The following TADA3 variants were observed in gnomAD, a reference collection of about 807,000 sequenced individuals.
TADA3 encodes transcriptional adaptor 3.
TADA3 carries 25 observed loss-of-function variants against 43.2 expected under a neutral mutation model. The ratio of observed to expected loss-of-function variants is 0.58; its 90% CI spans 0.42 to 0.81. TADA3 has a LOEUF of 0.81. Among genes scored for constraint, TADA3 ranks in the 30% least tolerant of loss-of-function variants. The pLI, the probability that TADA3 is intolerant of heterozygous loss-of-function variation, is 0.00. For missense variants in TADA3, 441 were observed against 567.8 expected, an observed-to-expected ratio of 0.78 and a Z score of 2.27; for synonymous variants, 235 against 225.5, an observed-to-expected ratio of 1.04 and a Z score of -0.38.
At position 9,791,163 on chromosome 3, in the gene TADA3, T is replaced by C. The variant is rs2078721960; in HGVS notation, c.207+97A>G. On this transcript the variant is annotated intron_variant, in intron 2 of 8. Coordinates refer to ENST00000301964, the MANE Select transcript of TADA3 (RefSeq NM_006354.5). ...CTCTCTCCCTCTCCCCACAAACCCCTGTACCCCAAGTCTCAGCATATGGGG... is the reference window on the plus strand; with the variant it reads ...CTCTCTCCCTCTCCCCACAAACCCCCGTACCCCAAGTCTCAGCATATGGGG... 3.9e-6 allele frequency: 5 copies of C among 1,288,040 alleles called. No homozygotes were observed. In the South Asian group the frequency reaches 7.2e-5, roughly 19 times the overall value. 79.8% of individuals were successfully genotyped at this position (1,288,040 alleles called of 1,614,324 possible).
rs1429342741 is a variant in TADA3, at chr3:9,784,143, C to CAA, written c.990_991insTT (p.Glu331LeufsTer24). On this transcript the variant is annotated frameshift_variant, in exon 8 of 9. Coordinates refer to ENST00000301964, the MANE Select transcript of TADA3 (RefSeq NM_006354.5). LOFTEE classifies it high-confidence loss of function. ...TCGGAGTCCTCTGCGGGGCGGTCCT[C>CAA]AGACTCCAAAAGGCCCTGGGCAATT... 6.2e-7 allele frequency: 1 copy of CAA among 1,614,186 alleles called. No individual in the cohort carries two copies.
chr3:9,782,571 A>C (rs1364417001), intron 8 of TADA3, among the ~76,000 whole-genome samples: 1 of 152,224 alleles, frequency 6.6e-6, no homozygotes. Flanking sequence ...AGTAATCTGC[A>C]AGTCCCTTGC....
At chr3:9,787,536 A>C (rs2078644574) in intron 4 of TADA3, 196 bp from the exon 5 acceptor site, 1 of 989,260 alleles carries the variant, frequency 1.0e-6, no homozygotes, top group African/African-American at 1.6e-5. Context: ...AGGTCCAAAA[A>C]GAACTAAGAC....
intron 8 of TADA3, 125 bp downstream of exon 8, chr3:9,783,903 G>GAT: frequency 7.1e-7 from 1 of 1,407,518 alleles, no homozygotes; most frequent in East Asian, 2.6e-5. Flanking sequence ...TTTTTTCGAG[G>GAT]CTCTCCAGGT....
chr3:9,781,803 T>A (rs1205619792), intron 8 of TADA3, among the ~76,000 whole-genome samples: 1 of 151,024 alleles, frequency 6.6e-6, no homozygotes, highest in South Asian at 2.1e-4. Context: ...TCCTGAGAGC[T>A]GCAAGCCATT....
chr3:9,787,554 C>T, intron 4 of TADA3: 1 of 975,536 alleles, frequency 1.0e-6, no homozygotes, highest in Non-Finnish European at 1.5e-6. Flanking sequence ...GACACACACA[C>T]AGAAGCCAAT....
chr3:9,789,595 G>A lies in TADA3; in HGVS notation c.478C>T (p.Pro160Ser), dbSNP rs139705343. 1.2e-6 allele frequency: 2 copies of A among 1,613,962 alleles called. No homozygotes were observed. The highest frequency in any genetic ancestry group is 2.7e-5 in the African/African-American group (2 of 74,896). Reference protein sequence around the residue: ...APNRFWASVEPYCADITSEEV... With the variant: ...APNRFWASVESYCADITSEEV... ...TCGCTGGTGATGTCAGCACAGTAGG[G>A]CTCCACTGAAGCCCAGAACCTGCAG... The change falls in exon 4 of 9, where the codon CCC (proline) becomes TCC (serine). Residue 160 changes from proline to serine, a missense_variant. Transcript: ENST00000301964.
intron 8 of TADA3, chr3:9,781,623 C>T (rs1243354973): frequency 6.6e-6 from 3 of 454,868 alleles, no homozygotes; most frequent in African/African-American, 2.0e-5. Context: ...CCAGATCAAT[C>T]TCTCTGAACA....
intron 2 of TADA3, 119 bp from the exon 3 acceptor site, chr3:9,790,082 C>G (rs1333257888): frequency 1.6e-6 from 2 of 1,269,088 alleles, no homozygotes; most frequent in African/African-American, 3.0e-5. Flanking sequence ...TCCCCATCCT[C>G]TTTTTACCTA....
Position 9,784,066 on chromosome 3 carries a change from A to G in TADA3, c.1068T>C (p.Leu356=). 1 of 1,614,138 alleles carries G rather than the reference A, an allele frequency of 6.2e-7. No homozygotes were observed. The highest frequency in any genetic ancestry group is 8.5e-7 in the Non-Finnish European group (1 of 1,180,002). The change falls in exon 8 of 9, where the codon CTT becomes CTC. Residue 356 remains leucine, a synonymous_variant. Coordinates refer to ENST00000301964, the MANE Select transcript of TADA3 (RefSeq NM_006354.5). The part of the protein sequence containing the change: ...LRKRQAELKA[L]SAHNRTKKHD... ...GCTTCTTGGTGCGGTTGTGGGCACT[A>G]AGTGCCTTCAGCTCAGCCTGCCGTT...
chr3:9,792,764 C>G, upstream of TADA3: 1 of 1,245,694 alleles, frequency 8.0e-7, no homozygotes, highest in Non-Finnish European at 1.0e-6. Flanking sequence ...AGGGCTCGTC[C>G]GCTTCGGCTT....
chr3:9,785,251 T>G, intron 7 of TADA3, 65 bp downstream of exon 7: 43 of 1,318,828 alleles, frequency 3.3e-5, no homozygotes, highest in Non-Finnish European at 4.3e-5. Flanking sequence ...TTCCCCAGGT[T>G]GAGATGGAGA....
At chr3:9,787,792 A>G in intron 4 of TADA3, 1 of 1,068,368 alleles carries the variant, frequency 9.4e-7, no homozygotes, top group South Asian at 1.3e-5. Context: ...TGGCAGCACA[A>G]AGGAGAGACT....
intron 8 of TADA3, 39 bp downstream of exon 8, chr3:9,783,989 A>G: frequency 1.3e-6 from 2 of 1,583,826 alleles, no homozygotes; most frequent in South Asian, 1.1e-5. Context: ...CACAGCCTCC[A>G]AGGCCACCCC....
intron 2 of TADA3, 52 bp from the exon 3 acceptor site, chr3:9,790,015 T>C (rs752501061): frequency 2.4e-5 from 36 of 1,525,360 alleles, no homozygotes; most frequent in Non-Finnish European, 3.0e-5. Flanking sequence ...ACACAGAATA[T>C]CTCTTTCCTC....
Position 9,784,218 on chromosome 3 carries a change from A to T in TADA3, c.921-5T>A, listed in dbSNP as rs1165657213. ...AGGGACTTAGTATGCGGCACACTGC[A>T]GCGGGAGGCAGGCCCGTCAGACTCA... is the stretch of plus-strand genomic sequence containing the variant. On this transcript the variant is annotated splice_polypyrimidine_tract_variant and splice_region_variant and intron_variant, in intron 7 of 8. Transcript: ENST00000301964. The T allele has an allele frequency of 1.2e-6, 2 of 1,600,778 alleles. No homozygotes were observed.
At chr3:9,785,905 A>G (rs1255236094) in intron 6 of TADA3, among the ~76,000 whole-genome samples, 1 of 152,040 alleles carries the variant, frequency 6.6e-6, no homozygotes, top group African/African-American at 2.4e-5. Context: ...GCATGGGCCA[A>G]AAAGTTTCCT....
At chr3:9,792,791 C>G, upstream of TADA3, 1 of 1,262,022 alleles carries the variant, frequency 7.9e-7, no homozygotes, top group Non-Finnish European at 1.0e-6. Flanking sequence ...ATTTGGTGCC[C>G]AATCTGAAGC....
intron 1 of TADA3, 121 bp from the exon 2 acceptor site, chr3:9,791,614 G>A: frequency 1.7e-6 from 1 of 605,780 alleles, no homozygotes; most frequent in Non-Finnish European, 2.9e-6. Context: ...AAAATTGATG[G>A]CACAGTTCCT....
Sources: allele counts gnomAD v4.1 joint callset (sites outside exome capture counted in the v4.1 genomes callset), GRCh38; gene constraint gnomAD v4.1.1; transcripts MANE v1.5; gene names NCBI Gene and HGNC (gene_info 2026-07-23, HGNC 2026-07-21).